The following KDM5A variants were observed in gnomAD, a reference collection of about 807,000 sequenced individuals.
KDM5A encodes lysine-specific demethylase 5A.
A neutral mutation model predicts 193.5 loss-of-function variants in KDM5A; 42 were observed. The observed-to-expected ratio is 0.22, with a 90% confidence interval of 0.17 to 0.28. The LOEUF (loss-of-function observed/expected upper bound fraction) is 0.28, where lower values mean the gene tolerates loss of function less well. KDM5A is among the 10% of genes least tolerant of loss of function. The pLI is 1.00. For missense variants in KDM5A, 1,692 were observed against 2,055.1 expected (o/e 0.82, Z 3.42); for synonymous variants, 796 against 718.1 (o/e 1.11, Z -1.73).
At chr12:316,204 C>G (rs1007493507) in intron 19 of KDM5A, among the ~76,000 whole-genome samples, 3 of 152,212 alleles carry the variant, frequency 2.0e-5, no homozygotes, top group Non-Finnish European at 4.4e-5. Context: ...CCCACTATTT[C>G]CACCAACCAC....
intron 9 of KDM5A, among the ~76,000 whole-genome samples, chr12:351,797 C>T (rs996649904): frequency 9.2e-5 from 14 of 151,842 alleles, no homozygotes; most frequent in African/African-American, 3.1e-4. Flanking sequence ...AGTGAAATCC[C>T]GTCTCTATTA....
At chr12:334,513 A>G (rs377497187) in intron 10 of KDM5A, 91 bp from the exon 11 acceptor site, 130 of 902,310 alleles carry the variant, frequency 1.4e-4, no homozygotes, top group South Asian at 6.8e-5. Context: ...AAATTTTTTT[A>G]TAATATTTAT....
chr12:375,152 A>G (rs1008811887), intron 3 of KDM5A, among the ~76,000 whole-genome samples: 1 of 152,166 alleles, frequency 6.6e-6, no homozygotes, highest in African/African-American at 2.4e-5. Flanking sequence ...GTTCTCCTGG[A>G]TAATATCCTG....
intron 27 of KDM5A, among the ~76,000 whole-genome samples, chr12:291,042 T>C (rs1943287067): frequency 6.6e-6 from 1 of 152,164 alleles, no homozygotes; most frequent in African/African-American, 2.4e-5. Flanking sequence ...TCAGCCTCTT[T>C]AACAAACAAA....
chr12:345,077 C>T (rs1944053674), intron 10 of KDM5A, among the ~76,000 whole-genome samples: 1 of 151,752 alleles, frequency 6.6e-6, no homozygotes, highest in Non-Finnish European at 1.5e-5. Flanking sequence ...GGAAGATCTA[C>T]CAAACAAATA....
intron 14 of KDM5A, 32 bp downstream of exon 14, chr12:328,803 T>C (rs778820731): frequency 3.4e-5 from 54 of 1,602,074 alleles, no homozygotes; most frequent in Non-Finnish European, 4.3e-5. Context: ...ATAAGCAGTA[T>C]CAAACATAGA....
chr12:296,254 G>T (rs947960931), intron 25 of KDM5A, among the ~76,000 whole-genome samples: 1 of 151,678 alleles, frequency 6.6e-6, no homozygotes, highest in African/African-American at 2.4e-5. Context: ...CTAGGCAGGG[G>T]GAGGTTGCAG....
chr12:388,103 T>C (rs2137505544), intron 1 of KDM5A: 1 of 255,968 alleles, frequency 3.9e-6, no homozygotes, highest in East Asian at 9.7e-5. Flanking sequence ...CTGGTGCAAG[T>C]GGTCCAGCAA....
chr12:306,767 C>A, intron 24 of KDM5A, 179 bp downstream of exon 24: 10 of 656,012 alleles, frequency 1.5e-5, no homozygotes, highest in Non-Finnish European at 2.3e-5. Context: ...AAAATTGTTT[C>A]AGCAACCTGT....
chr12:370,176 T>C (rs551385619), intron 3 of KDM5A, among the ~76,000 whole-genome samples: 135 of 152,330 alleles, frequency 8.9e-4, no homozygotes, highest in African/African-American at 3.1e-3. Flanking sequence ...GTGGATCACC[T>C]GAGGTCGAGA....
At chr12:382,624 TGTA>T (rs755562510) in intron 3 of KDM5A, among the ~76,000 whole-genome samples, 9 of 152,048 alleles carry the variant, frequency 5.9e-5, no homozygotes, top group Admixed American at 1.3e-4. Context: ...TTTGTATTAT[TGTA>T]GTAACAAAAC....
At chr12:375,318 A>T (rs1417434098) in intron 3 of KDM5A, among the ~76,000 whole-genome samples, 2 of 152,176 alleles carry the variant, frequency 1.3e-5, no homozygotes, top group South Asian at 2.1e-4. Context: ...TCATTTCATT[A>T]ATTTGATCTT....
chr12:323,284 T>G (rs915215204), intron 15 of KDM5A, 78 bp from the exon 16 acceptor site: 2 of 1,168,374 alleles, frequency 1.7e-6, no homozygotes, highest in Non-Finnish European at 2.1e-6. Context: ...AACTTAAAAA[T>G]AAAGTTTTAA....
intron 26 of KDM5A, 123 bp downstream of exon 26, chr12:295,450 G>A: frequency 1.1e-6 from 1 of 914,070 alleles, no homozygotes; most frequent in Non-Finnish European, 1.8e-6. Context: ...TTTGGCTGAA[G>A]TGGGAAAGTA....
intron 10 of KDM5A, 74 bp from the exon 11 acceptor site, chr12:334,496 TC>T: frequency 7.8e-7 from 1 of 1,279,726 alleles, no homozygotes. Flanking sequence ...AAGGGAGTCT[TC>T]CCAGAAAATT....
In KDM5A at chr12:323,706, T is replaced by C; in HGVS notation, c.2044A>G (p.Thr682Ala). The change falls in exon 15 of 28, where the codon ACA becomes GCA. Residue 682 changes from threonine (T) to alanine (A), a missense_variant. Thr to Ala is a moderately conservative substitution (Grantham distance 58). Transcript: ENST00000399788. ...DERQCSACRT[T>A]CFLSALTCSC... is the part of the protein sequence containing the mutation. The stretch of plus-strand genomic sequence containing the variant: ...CATGTGAGAGCAGAGAGAAAACATG[T>C]GGTTCTGCATGCTGAACACTGCCGC... 1 of 1,614,156 alleles carries C rather than the reference T, an allele frequency of 6.2e-7. No individual in the cohort carries two copies. The highest frequency in any genetic ancestry group is 8.5e-7 in the Non-Finnish European group (1 of 1,179,966).
At position 333,497 on chromosome 12, in the gene KDM5A, T is replaced by C. The variant is rs1217775173; in HGVS notation, c.1643A>G (p.His548Arg). 8 of 1,613,986 alleles carry C rather than the reference T, an allele frequency of 5.0e-6. No individual in the cohort carries two copies. Among genetic ancestry groups the C allele is most frequent in the South Asian group, 3.3e-5 (3 of 91,086 alleles). Residue 548 changes from histidine to arginine, a missense_variant, in exon 12 of 28, where the codon CAT (histidine) becomes CGT (arginine). His to Arg is a conservative substitution (Grantham distance 29). This residue lies in a region of KDM5A where 172 missense variants were observed against 260.3 expected (regional missense o/e 0.66). Transcript: ENST00000399788. ...TIMNPNVLME[H>R]GVPVYRTNQC... Reference sequence around the variant, plus strand: ...CACCAAAAGACTCACAGGCACACCATGCTCCATTAGCACGTTGGGGTTCAT... The same window carrying C: ...CACCAAAAGACTCACAGGCACACCACGCTCCATTAGCACGTTGGGGTTCAT...
Position 323,125 on chromosome 12 carries a change from A to G in KDM5A, c.2232T>C (p.Ser744=), listed in dbSNP as rs1380006438. The G allele has an allele frequency of 6.2e-7, 1 of 1,601,184 alleles. No individual in the cohort carries two copies. Among genetic ancestry groups the G allele is most frequent in the African/African-American group, 1.4e-5 (1 of 74,040 alleles). Residue 744 remains serine (S), a synonymous_variant, in exon 16 of 28, where the codon AGT becomes AGC. Coordinates refer to ENST00000399788, the MANE Select transcript of KDM5A (RefSeq NM_001042603.3). The stretch of plus-strand genomic sequence containing the variant: ...TAGCAGACAATGCTTCTGTAACACG[A>G]CTGACCCAAGTGTCATAGGACTGTG... ...VRAQSYDTWV[S]RVTEALSANF...
chr12:305,608 A>G (rs1193718606), intron 24 of KDM5A, among the ~76,000 whole-genome samples: 1 of 152,234 alleles, frequency 6.6e-6, no homozygotes, highest in South Asian at 2.1e-4. Flanking sequence ...GATTCTAAAC[A>G]AAGCAACTAA....
Sources: allele counts gnomAD v4.1 joint callset (sites outside exome capture counted in the v4.1 genomes callset), GRCh38; gene constraint gnomAD v4.1.1; regional missense constraint gnomAD v4.1.1; transcripts MANE v1.5; gene names NCBI Gene and HGNC (gene_info 2026-07-23, HGNC 2026-07-21).